The following ANO6 variants were observed in gnomAD, a reference collection of about 807,000 sequenced individuals.
The protein encoded by ANO6 is anoctamin 6.
ANO6 carries 106 observed loss-of-function variants against 117.5 expected under a neutral mutation model. The observed-to-expected ratio is 0.90, with a 90% CI of 0.77 to 1.06. The LOEUF is 1.06. ANO6 is among the 50% of genes least tolerant of loss of function. The pLI, the probability that ANO6 is intolerant of heterozygous loss-of-function variation, is 0.00. For synonymous variants in ANO6, 367 were observed against 385.1 expected (o/e 0.95, Z 0.55); for missense variants, 955 against 1,121.1 (o/e 0.85, Z 2.12).
intron 9 of ANO6, among the ~76,000 whole-genome samples, chr12:45,371,740 A>T (rs1206062946): frequency 6.6e-6 from 1 of 152,272 alleles, no homozygotes; most frequent in Non-Finnish European, 1.5e-5. Context: ...TCAAAAGTAG[A>T]TAAAACCACA....
intron 9 of ANO6, among the ~76,000 whole-genome samples, chr12:45,372,477 C>A (rs1277279464): frequency 7.0e-6 from 1 of 142,632 alleles, no homozygotes; most frequent in African/African-American, 2.7e-5. Context: ...TCGGGTTACC[C>A]TCAAAGGGAA....
At position 45,385,205 on chromosome 12, in the gene ANO6, G is replaced by A. The variant is rs554495201; in HGVS notation, c.1166-2956G>A. Among the ~76,000 whole-genome samples the A allele has an allele frequency of 2.0e-5, 3 of 152,314 alleles. No individual in the cohort carries two copies. In the East Asian group the frequency reaches 5.8e-4, roughly 29 times the overall value. ...GGTATGATAGACAGTAGACCTAGAA[G>A]CAGATATAGGTTGGGATGCATGAGT... is the stretch of plus-strand genomic sequence containing the variant. On this transcript the variant is annotated intron_variant, in intron 10 of 19. Transcript: ENST00000320560.
At chr12:45,416,999 G>A in intron 17 of ANO6, 95 bp downstream of exon 17, 1 of 1,241,524 alleles carries the variant, frequency 8.1e-7, no homozygotes, top group Non-Finnish European at 1.2e-6. Flanking sequence ...TAAAATGAGA[G>A]GAAGATGCTA....
intron 1 of ANO6, among the ~76,000 whole-genome samples, chr12:45,269,114 C>T (rs1938311276): frequency 6.6e-6 from 1 of 152,186 alleles, no homozygotes; most frequent in Non-Finnish European, 1.5e-5. Context: ...CCCTTCTTCT[C>T]TGGGGCCAGC....
intron 19 of ANO6, 76 bp downstream of exon 19, chr12:45,423,138 T>C: frequency 1.9e-6 from 2 of 1,035,068 alleles, no homozygotes; most frequent in Non-Finnish European, 3.1e-6. Flanking sequence ...GCCAACTCCA[T>C]ACTTAACATG....
rs535131403 is a variant in ANO6, at chr12:45,292,506, T to C, written c.71-9508T>C. Among the ~76,000 whole-genome samples the C allele has an allele frequency of 3.3e-5, 5 of 152,332 alleles. No individual in the cohort carries two copies. In the South Asian group the frequency reaches 6.2e-4, roughly 19 times the overall value. ...GTTACTGCAATAAATTTTTTTAAGA[T>C]GGTAAGAGAACTAATGAATTCACAG... On this transcript the variant is annotated intron_variant, in intron 1 of 19. Transcript: ENST00000320560.
intron 3 of ANO6, among the ~76,000 whole-genome samples, chr12:45,335,273 A>G (rs570527672): frequency 1.3e-5 from 2 of 151,992 alleles, no homozygotes; most frequent in Admixed American, 6.6e-5. Flanking sequence ...TTATAATTTA[A>G]TTCAAACTTT....
At chr12:45,317,339 T>C (rs888676756) in intron 2 of ANO6, among the ~76,000 whole-genome samples, 1 of 134,852 alleles carries the variant, frequency 7.4e-6, no homozygotes, top group Non-Finnish European at 1.6e-5. Context: ...TTCTCATTGT[T>C]CAATTCCCAC....
Position 45,430,289 on chromosome 12 carries a change from C to T in ANO6, c.*978C>T. ...CAGAAGGTGCAGTATTACACATCAC[C>T]AGCTGCCTTTGTGAATGGCTCACTA... On this transcript the variant is annotated 3_prime_UTR_variant, in exon 20 of 20. Transcript: ENST00000320560. 2.0e-6 allele frequency: 2 copies of T among 985,410 alleles called. 1 individual carries two copies. The highest frequency in any genetic ancestry group is 3.5e-5 in the African/African-American group (2 of 57,334). The allele number at this position is 985,410 out of a possible 1,614,324, so 61.0% of individuals were successfully genotyped here.
At chr12:45,421,295 T>C in intron 18 of ANO6, 22 bp downstream of exon 18, 1 of 1,608,704 alleles carries the variant, frequency 6.2e-7, no homozygotes, top group Non-Finnish European at 8.5e-7. Flanking sequence ...TTTACTTGTT[T>C]AAAAATGCAC....
intron 1 of ANO6, among the ~76,000 whole-genome samples, chr12:45,266,461 T>A (rs1390188216): frequency 6.6e-6 from 1 of 152,218 alleles, no homozygotes; most frequent in Non-Finnish European, 1.5e-5. Context: ...TGTTTTTCCA[T>A]ACTTGTTTTA....
intron 11 of ANO6, 126 bp downstream of exon 11, chr12:45,388,429 C>A: frequency 8.2e-7 from 1 of 1,224,208 alleles, no homozygotes; most frequent in Non-Finnish European, 1.2e-6. Flanking sequence ...TCACTACATA[C>A]TCTGGTACTT....
chr12:45,315,640 C>T (rs1240040507), intron 2 of ANO6, among the ~76,000 whole-genome samples: 1 of 152,074 alleles, frequency 6.6e-6, no homozygotes, highest in Admixed American at 6.6e-5. Context: ...GTGTTGACAA[C>T]TCCCAAGTTT....
intron 9 of ANO6, among the ~76,000 whole-genome samples, chr12:45,368,531 G>T (rs1204423086): frequency 6.6e-6 from 1 of 152,190 alleles, no homozygotes. Flanking sequence ...TATACATGCA[G>T]ATGGTCGTGA....
chr12:45,342,698 A>G (rs371546670), intron 3 of ANO6, among the ~76,000 whole-genome samples: 3 of 152,188 alleles, frequency 2.0e-5, no homozygotes, highest in Non-Finnish European at 2.9e-5. Context: ...TTATTCATTC[A>G]TCAGACATTT....
intron 1 of ANO6, among the ~76,000 whole-genome samples, chr12:45,236,315 T>C (rs1947644644): frequency 6.6e-6 from 1 of 152,172 alleles, no homozygotes; most frequent in African/African-American, 2.4e-5. Context: ...ATGTACCATG[T>C]TGGTTTGCTG....
intron 1 of ANO6, among the ~76,000 whole-genome samples, chr12:45,254,565 C>T (rs551371435): frequency 6.6e-6 from 1 of 152,324 alleles, no homozygotes; most frequent in South Asian, 2.1e-4. Flanking sequence ...CTCTTTGTCA[C>T]ATTTTAAGTT....
chr12:45,286,511 AAT>A (rs1565665279), intron 1 of ANO6, among the ~76,000 whole-genome samples: 2 of 152,206 alleles, frequency 1.3e-5, no homozygotes, highest in Non-Finnish European at 2.9e-5. Flanking sequence ...AGATAGAGCT[AAT>A]GTGTTTTGAG....
At chr12:45,427,653 A>C (rs999396731) in intron 19 of ANO6, among the ~76,000 whole-genome samples, 2 of 152,106 alleles carry the variant, frequency 1.3e-5, no homozygotes, top group Non-Finnish European at 1.5e-5. Flanking sequence ...TTAAAAAATG[A>C]AAAGGTGTTT....
Sources: gnomAD v4.1 joint callset for allele counts (sites outside exome capture counted in the v4.1 genomes callset) on GRCh38, gnomAD v4.1.1 for gene constraint, MANE v1.5 for transcripts, NCBI Gene and HGNC (gene_info 2026-07-23, HGNC 2026-07-21) for gene names.